The following ZNF804B variants were observed in gnomAD, a reference collection of about 807,000 sequenced individuals.
ZNF804B encodes the protein zinc finger protein 804B, also known as zinc finger 804B.
Under a neutral mutation model 101.4 loss-of-function variants are expected in ZNF804B, and 80 were observed. The ratio of observed to expected loss-of-function variants is 0.79; its 90% CI spans 0.66 to 0.95. The LOEUF is 0.95. Ranked by LOEUF, ZNF804B falls within the 40% of genes least tolerant of loss-of-function variation. The pLI, the probability that ZNF804B is intolerant of heterozygous loss-of-function variation, is 0.00. For synonymous variants in ZNF804B, 622 were observed against 558.8 expected, an observed-to-expected ratio of 1.11 and a Z score of -1.59; for missense variants, 1,673 against 1,561.9, an observed-to-expected ratio of 1.07 and a Z score of -1.20.
chr7:88,859,115 T>C (rs1226073442), intron 1 of ZNF804B, among the ~76,000 whole-genome samples: 2 of 152,052 alleles, frequency 1.3e-5, no homozygotes, highest in African/African-American at 4.8e-5. Flanking sequence ...GGGTTTATTT[T>C]CAGGCAACGC....
At chr7:89,038,976 T>A (rs145645072) in intron 1 of ZNF804B, among the ~76,000 whole-genome samples, 7 of 152,218 alleles carry the variant, frequency 4.6e-5, no homozygotes, top group African/African-American at 1.7e-4. Context: ...ATAAAAGTGA[T>A]GACTTATTTT....
At chr7:89,228,631 T>G (rs977772021) in intron 2 of ZNF804B, among the ~76,000 whole-genome samples, 1 of 152,138 alleles carries the variant, frequency 6.6e-6, no homozygotes, top group African/African-American at 2.4e-5. Context: ...TGCTGATTGG[T>G]GTATTTACAA....
chr7:88,865,098 C>T (rs1791706590), intron 1 of ZNF804B, among the ~76,000 whole-genome samples: 1 of 151,784 alleles, frequency 6.6e-6, no homozygotes, highest in Non-Finnish European at 1.5e-5. Flanking sequence ...CGTGGTGACC[C>T]ATGCCTGTAA....
At chr7:89,328,371 T>C (rs1283096071) in intron 3 of ZNF804B, among the ~76,000 whole-genome samples, 1 of 151,800 alleles carries the variant, frequency 6.6e-6, no homozygotes. Context: ...ACTTTTAGAA[T>C]AATCTAATTA....
chr7:88,974,288 A>T (rs1480242344), intron 1 of ZNF804B, among the ~76,000 whole-genome samples: 1 of 151,390 alleles, frequency 6.6e-6, no homozygotes, highest in Non-Finnish European at 1.5e-5. Flanking sequence ...ATCTTTAGAG[A>T]TATTTAAAAT....
intron 2 of ZNF804B, among the ~76,000 whole-genome samples, chr7:89,225,031 C>T (rs1789065476): frequency 6.6e-6 from 1 of 152,012 alleles, no homozygotes; most frequent in Non-Finnish European, 1.5e-5. Context: ...CTGACTGTTC[C>T]CTCTGTCTGG....
chr7:89,118,650 C>T, intron 1 of ZNF804B, among the ~76,000 whole-genome samples: 1 of 152,094 alleles, frequency 6.6e-6, no homozygotes, highest in Non-Finnish European at 1.5e-5. Flanking sequence ...GTTCCTTTGA[C>T]CTTACCTTGA....
At chr7:88,989,943 T>C (rs1350120417) in intron 1 of ZNF804B, among the ~76,000 whole-genome samples, 2 of 152,076 alleles carry the variant, frequency 1.3e-5, no homozygotes, top group African/African-American at 4.8e-5. Context: ...ACCTATTATT[T>C]ATCCCTTCTA....
At chr7:89,171,362 C>T (rs28676861) in intron 1 of ZNF804B, among the ~76,000 whole-genome samples, 27,626 of 83,654 alleles carry the variant, frequency 0.33, 3,942 homozygotes, top group South Asian at 0.41. Flanking sequence ...CTTCTTCCTC[C>T]TCTTCCTCTT....
At chr7:88,880,118 A>C (rs1792011044) in intron 1 of ZNF804B, among the ~76,000 whole-genome samples, 1 of 152,124 alleles carries the variant, frequency 6.6e-6, no homozygotes, top group Non-Finnish European at 1.5e-5. Flanking sequence ...TGACAGTCTT[A>C]TGGAATTAGT....
At chr7:89,088,676 G>T (rs1455739643) in intron 1 of ZNF804B, among the ~76,000 whole-genome samples, 4 of 144,412 alleles carry the variant, frequency 2.8e-5, no homozygotes, top group African/African-American at 8.2e-5. Context: ...TGTTGCTCTT[G>T]TTTGGGAGCA....
chr7:88,763,454 C>T lies in ZNF804B; in HGVS notation c.108+3370C>T, dbSNP rs568718265. ...ATTGCATCTTTCTTCTTTTTAGAGACTGTGTGTGAAAAAATAGCATACTGC... is the reference window on the plus strand; with the variant it reads ...ATTGCATCTTTCTTCTTTTTAGAGATTGTGTGTGAAAAAATAGCATACTGC... On this transcript the variant is annotated intron_variant, in intron 1 of 3. Transcript: ENST00000333190. Among the ~76,000 whole-genome samples, 40 of 151,648 alleles carry T rather than the reference C, an allele frequency of 2.6e-4. 1 individual carries two copies. In the South Asian group the frequency reaches 2.7e-3, roughly 10 times the overall value.
chr7:88,965,788 A>G (rs1009565085), intron 1 of ZNF804B, among the ~76,000 whole-genome samples: 2 of 151,544 alleles, frequency 1.3e-5, no homozygotes, highest in African/African-American at 4.8e-5. Flanking sequence ...ATCTAATAGC[A>G]TATCATTTAT....
At chr7:89,111,652 A>G (rs780477196) in intron 1 of ZNF804B, among the ~76,000 whole-genome samples, 1 of 152,130 alleles carries the variant, frequency 6.6e-6, no homozygotes, top group Non-Finnish European at 1.5e-5. Flanking sequence ...ATTTTCTCTC[A>G]GTCTGTAGCT....
chr7:88,905,439 C>T (rs1246366867), intron 1 of ZNF804B, among the ~76,000 whole-genome samples: 1 of 151,948 alleles, frequency 6.6e-6, no homozygotes, highest in Non-Finnish European at 1.5e-5. Flanking sequence ...CTCACTGTAA[C>T]CTCGGCCTCC....
chr7:89,174,294 C>T (rs1028934806), intron 1 of ZNF804B, among the ~76,000 whole-genome samples: 2 of 151,944 alleles, frequency 1.3e-5, no homozygotes, highest in African/African-American at 4.8e-5. Context: ...CTCCATCTCC[C>T]TGAGTTTAAT....
intron 1 of ZNF804B, among the ~76,000 whole-genome samples, chr7:88,833,832 G>A (rs10281157): frequency 0.5 from 75,939 of 151,490 alleles, 20,944 homozygotes; most frequent in East Asian, 0.81. Flanking sequence ...TCAAGGCTAG[G>A]TCCAAATTTC....
intron 1 of ZNF804B, among the ~76,000 whole-genome samples, chr7:88,861,099 C>T (rs1031696814): frequency 6.6e-6 from 1 of 152,068 alleles, no homozygotes; most frequent in African/African-American, 2.4e-5. Context: ...ATATATTAAT[C>T]TACTAGAGTG....
At chr7:89,030,835 G>A (rs1172406183) in intron 1 of ZNF804B, among the ~76,000 whole-genome samples, 1 of 152,056 alleles carries the variant, frequency 6.6e-6, no homozygotes, top group African/African-American at 2.4e-5. Flanking sequence ...AATGAAGTGT[G>A]GTTTCTCCCT....
Sources: gnomAD v4.1 joint callset for allele counts (sites outside exome capture counted in the v4.1 genomes callset) on GRCh38, gnomAD v4.1.1 for gene constraint, MANE v1.5 for transcripts, NCBI Gene and HGNC (gene_info 2026-07-23, HGNC 2026-07-21) for gene names.